Variants in SYN2 observed in about 807,000 individuals in gnomAD.
SYN2 encodes the protein synapsin II, also known as synapsin-2.
A neutral mutation model predicts 50.9 loss-of-function variants in SYN2; 19 were observed. That is an observed-to-expected ratio of 0.37 (90% CI 0.26 to 0.55). The LOEUF is 0.55. Among genes scored for constraint, SYN2 ranks in the 20% least tolerant of loss-of-function variants. The probability of loss-of-function intolerance (pLI) is 0.81; values close to 1 mark genes in which losing one functional copy is unlikely to be tolerated. For missense variants in SYN2, 587 were observed against 576.4 expected (o/e 1.02, Z -0.19); for synonymous variants, 255 against 224.9 (o/e 1.13, Z -1.20).
rs1697825193 is a variant in SYN2, at chr3:12,167,277, G to A, written c.1024G>A (p.Ala342Thr). The A allele has an allele frequency of 3.1e-6, 5 of 1,612,944 alleles. No homozygotes were observed. The highest frequency in any genetic ancestry group is 1.7e-5 in the Admixed American group (1 of 59,886). The change falls in exon 8 of 13, where the codon GCG becomes ACG. Residue 342 changes from alanine (A) to threonine (T), a missense_variant. Transcript: ENST00000621198. ...SGNWKTNTGS[A>T]MLEQIAMSDR... is the part of the protein sequence containing the mutation. ...GAACTGGAAGACGAACACTGGCTCTGCGATGCTGGAGCAGATTGCCATGTC... is the reference window on the plus strand; with the variant it reads ...GAACTGGAAGACGAACACTGGCTCTACGATGCTGGAGCAGATTGCCATGTC...
intron 10 of SYN2, among the ~76,000 whole-genome samples, chr3:12,179,143 T>G (rs892304637): frequency 6.6e-5 from 10 of 152,176 alleles, no homozygotes; most frequent in African/African-American, 2.4e-4. Context: ...CTCTGATCAC[T>G]AAGCCCAGTA....
intron 1 of SYN2, among the ~76,000 whole-genome samples, chr3:12,021,539 T>C (rs1288798573): frequency 6.6e-6 from 1 of 152,158 alleles, no homozygotes; most frequent in Non-Finnish European, 1.5e-5. Context: ...ACTTGAGCCC[T>C]GTGACCAGCC....
chr3:12,107,451 C>T (rs891856883), intron 1 of SYN2, among the ~76,000 whole-genome samples: 6 of 152,174 alleles, frequency 3.9e-5, no homozygotes, highest in Admixed American at 1.3e-4. Flanking sequence ...TTAGTAGATA[C>T]TTAACCCATC....
intron 1 of SYN2, among the ~76,000 whole-genome samples, chr3:12,119,792 C>T (rs183519938): frequency 7.9e-5 from 12 of 152,220 alleles, no homozygotes; most frequent in African/African-American, 1.2e-4. Context: ...TTCCCAGGTT[C>T]GTTTCCTCCT....
At chr3:12,005,396 T>G (rs971287884) in intron 1 of SYN2, among the ~76,000 whole-genome samples, 8 of 151,800 alleles carry the variant, frequency 5.3e-5, no homozygotes, top group Non-Finnish European at 4.4e-5. Context: ...GAGAAGGTGG[T>G]GGTGGGTTTT....
chr3:12,155,298 TG>T (rs1365975448), intron 5 of SYN2, among the ~76,000 whole-genome samples: 1 of 152,220 alleles, frequency 6.6e-6, no homozygotes, highest in African/African-American at 2.4e-5. Context: ...ATTACACTAT[TG>T]TGTGGTTCTA....
At chr3:12,094,365 C>G (rs1286995320) in intron 1 of SYN2, among the ~76,000 whole-genome samples, 1 of 152,014 alleles carries the variant, frequency 6.6e-6, no homozygotes, top group African/African-American at 2.4e-5. Context: ...TGAATTCATA[C>G]CCTTTACTAG....
Position 12,183,672 on chromosome 3 carries a change from G to C in SYN2, c.1369+300G>C, listed in dbSNP as rs865895963. ...TTCTCTGTATAACTTGTGATTCCAGGGCTGTTTGTCAACAGTATACAAAAG... is the reference window on the plus strand; with the variant it reads ...TTCTCTGTATAACTTGTGATTCCAGCGCTGTTTGTCAACAGTATACAAAAG... On this transcript the variant is annotated intron_variant, in intron 11 of 12. Transcript: ENST00000621198. 4.5e-6 allele frequency: 6 copies of C among 1,344,958 alleles called. No individual in the cohort carries two copies. The African/African-American group carries it at 9.0e-5, about 20-fold the overall frequency. The allele number at this position is 1,344,958 out of a possible 1,614,324, so 83.3% of individuals were successfully genotyped here. A position where few individuals can be genotyped will look rare whatever the true frequency, so the allele number is the denominator to read the frequency against.
chr3:12,051,640 A>C (rs1367169469), intron 1 of SYN2, among the ~76,000 whole-genome samples: 2 of 152,224 alleles, frequency 1.3e-5, no homozygotes, highest in Non-Finnish European at 2.9e-5. Context: ...TCTAAACTTC[A>C]AGTAGATCTC....
chr3:12,190,804 G>T lies in SYN2; in HGVS notation c.*179G>T, dbSNP rs1209708122. ...GAAAGGACCATTTGACAGTCTCAGG[G>T]CAGGTGCCTACCCAGCAAGGGGTAC... On this transcript the variant is annotated 3_prime_UTR_variant, in exon 13 of 13. Transcript: ENST00000621198. The T allele has an allele frequency of 8.0e-6, 11 of 1,369,600 alleles. No homozygotes were observed. Among genetic ancestry groups the T allele is most frequent in the Non-Finnish European group, 1.0e-5 (11 of 1,068,856 alleles). The allele number at this position is 1,369,600 out of a possible 1,614,324, so 84.8% of individuals were successfully genotyped here.
At chr3:12,012,913 A>G (rs975211128) in intron 1 of SYN2, among the ~76,000 whole-genome samples, 3 of 152,224 alleles carry the variant, frequency 2.0e-5, no homozygotes, top group African/African-American at 7.2e-5. Context: ...TCTTCCAAAC[A>G]TGAAAGATAA....
At position 12,038,357 on chromosome 3, in the gene SYN2, C is replaced by T. The variant is rs183807526; in HGVS notation, c.377+33429C>T. ...AGTTTTGAAATTGGAAAGTGTGAGT[C>T]ATCTAACTTTGTTGTTTTTTAAAAA... is the stretch of plus-strand genomic sequence containing the variant. On this transcript the variant is annotated intron_variant, in intron 1 of 12. Transcript: ENST00000621198. Among the ~76,000 whole-genome samples the T allele has an allele frequency of 8.3e-4, 126 of 152,172 alleles. 1 individual carries two copies. The highest frequency in any genetic ancestry group is 1.4e-3 in the Admixed American group (21 of 15,284).
At chr3:12,116,689 G>A (rs1183731053) in intron 1 of SYN2, among the ~76,000 whole-genome samples, 8 of 152,138 alleles carry the variant, frequency 5.3e-5, no homozygotes, top group Admixed American at 1.3e-4. Flanking sequence ...TTTGGAGAGG[G>A]TTCCCCTTTG....
chr3:12,131,994 CT>C (rs1696805063), intron 1 of SYN2, among the ~76,000 whole-genome samples: 1 of 149,534 alleles, frequency 6.7e-6, no homozygotes, highest in Non-Finnish European at 1.5e-5. Context: ...TTTTCTTTTT[CT>C]TTTTCTTTTT....
intron 1 of SYN2, among the ~76,000 whole-genome samples, chr3:12,126,216 G>T (rs17035868): frequency 0.078 from 11,879 of 152,216 alleles, 561 homozygotes; most frequent in African/African-American, 0.12. Flanking sequence ...AATTCCAAAT[G>T]ATGTGCTTCA....
intron 12 of SYN2, among the ~76,000 whole-genome samples, chr3:12,188,431 G>A (rs1430088344): frequency 1.3e-5 from 2 of 152,318 alleles, no homozygotes; most frequent in Middle Eastern, 3.4e-3. Flanking sequence ...ACAGACAGCC[G>A]TAGCCTTAGG....
At position 12,081,989 on chromosome 3, in the gene SYN2, A is replaced by G. The variant is rs148744217; in HGVS notation, c.378-58662A>G. ...AACTAAGGAAGACAGAATTAGGATC[A>G]GCATGTGTGTTGGGGATCCCCAGAA... On this transcript the variant is annotated intron_variant, in intron 1 of 12. Transcript: ENST00000621198. 2.8e-4 allele frequency among the ~76,000 whole-genome samples: 43 copies of G among 152,344 alleles called. No homozygotes were observed. In the East Asian group the frequency reaches 7.5e-3, roughly 27 times the overall value.
At chr3:12,029,201 A>G (rs1161877213) in intron 1 of SYN2, among the ~76,000 whole-genome samples, 1 of 127,548 alleles carries the variant, frequency 7.8e-6, no homozygotes, top group African/African-American at 3.9e-5. Context: ...ATGCGGCGTT[A>G]TTTCTGAGGG....
chr3:12,185,585 C>A (rs1258588616), intron 11 of SYN2: 2 of 985,770 alleles, frequency 2.0e-6, no homozygotes, highest in Non-Finnish European at 2.4e-6. Flanking sequence ...TGTTTTGTAC[C>A]TATTTCTTTC....
Sources: allele counts gnomAD v4.1 joint callset (sites outside exome capture counted in the v4.1 genomes callset), GRCh38; gene constraint gnomAD v4.1.1; transcripts MANE v1.5; gene names NCBI Gene and HGNC (gene_info 2026-07-23, HGNC 2026-07-21).